The following ZRANB3 variants were observed in gnomAD, a reference collection of about 807,000 sequenced individuals.
ZRANB3 encodes DNA annealing helicase and endonuclease ZRANB3.
In ZRANB3, 125 loss-of-function variants were observed where a neutral mutation model predicts 133.8. The observed-to-expected ratio is 0.93, with a 90% CI of 0.81 to 1.08. The LOEUF (loss-of-function observed/expected upper bound fraction) is 1.08, where lower values mean the gene tolerates loss of function less well. Ranked by LOEUF, ZRANB3 falls within the 50% of genes least tolerant of loss-of-function variation. The pLI is 0.00. For missense variants in ZRANB3, 1,229 were observed against 1,275.5 expected (o/e 0.96, Z 0.56); for synonymous variants, 387 against 432.7 (o/e 0.89, Z 1.31).
intron 2 of ZRANB3, among the ~76,000 whole-genome samples, chr2:135,493,140 T>A (rs1296014054): frequency 2.3e-4 from 12 of 51,258 alleles, no homozygotes; most frequent in South Asian, 9.0e-4. Flanking sequence ...TATATATATA[T>A]ATATATATAT....
chr2:135,382,664 G>A, intron 3 of ZRANB3, among the ~76,000 whole-genome samples: 1 of 152,184 alleles, frequency 6.6e-6, no homozygotes. Flanking sequence ...CTACAAGCCA[G>A]AAGAGACTGG....
chr2:135,448,392 G>C (rs1057097860), intron 2 of ZRANB3, among the ~76,000 whole-genome samples: 9 of 152,182 alleles, frequency 5.9e-5, no homozygotes, highest in African/African-American at 1.9e-4. Context: ...GTAATCTTAT[G>C]ATGAAACTTC....
chr2:135,368,925 T>C (rs942456818), intron 3 of ZRANB3, among the ~76,000 whole-genome samples: 1 of 152,090 alleles, frequency 6.6e-6, no homozygotes, highest in African/African-American at 2.4e-5. Context: ...TTTTCTAATA[T>C]TATTTATCAA....
intron 8 of ZRANB3, among the ~76,000 whole-genome samples, chr2:135,287,991 G>A (rs1252303973): frequency 6.6e-6 from 1 of 152,004 alleles, no homozygotes; most frequent in Non-Finnish European, 1.5e-5. Flanking sequence ...GTGGTGAAGT[G>A]GGCATCCTTG....
intron 1 of ZRANB3, chr2:135,511,533 G>T (rs1391637966): frequency 2.9e-6 from 3 of 1,024,020 alleles, no homozygotes; most frequent in Non-Finnish European, 4.7e-6. Context: ...ACCCACCAAA[G>T]ACCTCATCTT....
chr2:135,212,861 G>T (rs1227099706), intron 17 of ZRANB3, among the ~76,000 whole-genome samples: 2 of 152,204 alleles, frequency 1.3e-5, no homozygotes, highest in South Asian at 2.1e-4. Context: ...TGTAACCAGA[G>T]ATTAAACAAT....
At chr2:135,402,852 C>T (rs754016079) in intron 2 of ZRANB3, among the ~76,000 whole-genome samples, 4 of 152,132 alleles carry the variant, frequency 2.6e-5, no homozygotes, top group East Asian at 1.9e-4. Context: ...TACCAAAGTG[C>T]GAGGATTACA....
intron 12 of ZRANB3, among the ~76,000 whole-genome samples, chr2:135,252,259 G>A (rs1679435515): frequency 1.3e-5 from 2 of 152,054 alleles, no homozygotes; most frequent in Admixed American, 6.6e-5. Flanking sequence ...CTTAATACCT[G>A]GGTGATGAAA....
chr2:135,208,030 A>C (rs1693951167), intron 18 of ZRANB3, among the ~76,000 whole-genome samples, 194 bp from the exon 19 acceptor site: 1 of 152,208 alleles, frequency 6.6e-6, no homozygotes. Context: ...ACAAAAATTA[A>C]TTGAATATAA....
intron 13 of ZRANB3, among the ~76,000 whole-genome samples, chr2:135,229,627 A>G (rs1201527403): frequency 2.0e-5 from 3 of 152,082 alleles, no homozygotes; most frequent in South Asian, 4.1e-4. Context: ...TCGGCCTCCC[A>G]AAGTGCTGGG....
intron 2 of ZRANB3, among the ~76,000 whole-genome samples, chr2:135,427,475 G>T (rs1028384701): frequency 1.3e-5 from 2 of 152,024 alleles, no homozygotes; most frequent in African/African-American, 4.8e-5. Flanking sequence ...GCCACAAGAA[G>T]AATAAAATAC....
intron 8 of ZRANB3, among the ~76,000 whole-genome samples, chr2:135,284,460 CTTGTTTGTTTTGT>C (rs1681247550): frequency 6.6e-6 from 1 of 152,118 alleles, no homozygotes; most frequent in African/African-American, 2.4e-5. Context: ...GTTACCTTTC[CTTGTTTGTTTTGT>C]TTGTTTGTTT....
intron 17 of ZRANB3, among the ~76,000 whole-genome samples, chr2:135,216,437 CTGTTT>C (rs1053334334): frequency 4.6e-5 from 7 of 152,090 alleles, no homozygotes; most frequent in Middle Eastern, 6.8e-3. Context: ...GCTTTGCCAT[CTGTTT>C]TGTTTTGTTT....
intron 6 of ZRANB3, among the ~76,000 whole-genome samples, chr2:135,335,584 T>C (rs1318933672): frequency 6.6e-6 from 1 of 152,062 alleles, no homozygotes; most frequent in Non-Finnish European, 1.5e-5. Flanking sequence ...TCCCACCTAT[T>C]TGCGAGGCTG....
intron 8 of ZRANB3, among the ~76,000 whole-genome samples, chr2:135,292,941 C>T (rs1219322327): frequency 6.6e-6 from 1 of 151,664 alleles, no homozygotes; most frequent in African/African-American, 2.4e-5. Context: ...TCTGTTCTGT[C>T]CCATTGGTCT....
At chr2:135,506,837 A>G (rs1297313973) in intron 1 of ZRANB3, among the ~76,000 whole-genome samples, 1 of 152,178 alleles carries the variant, frequency 6.6e-6, no homozygotes, top group Non-Finnish European at 1.5e-5. Context: ...GGATTTGGCC[A>G]CTCAACAAAG....
chr2:135,278,129 C>T (rs546485573), intron 8 of ZRANB3, among the ~76,000 whole-genome samples: 4 of 152,034 alleles, frequency 2.6e-5, no homozygotes, highest in South Asian at 2.1e-4. Context: ...AGACCCACTA[C>T]GTGTCTTTCA....
intron 2 of ZRANB3, among the ~76,000 whole-genome samples, chr2:135,428,023 C>T (rs1309242882): frequency 6.6e-6 from 1 of 152,110 alleles, no homozygotes; most frequent in African/African-American, 2.4e-5. Flanking sequence ...AAACTGGATA[C>T]CTTCCTTTGA....
At chr2:135,481,475 T>A (rs1691804716) in intron 2 of ZRANB3, among the ~76,000 whole-genome samples, 1 of 152,228 alleles carries the variant, frequency 6.6e-6, no homozygotes, top group Non-Finnish European at 1.5e-5. Context: ...TGTTTTTTTC[T>A]TGTAAATTTG....
Sources: allele counts gnomAD v4.1 joint callset (sites outside exome capture counted in the v4.1 genomes callset), GRCh38; gene constraint gnomAD v4.1.1; transcripts MANE v1.5; gene names NCBI Gene and HGNC (gene_info 2026-07-23, HGNC 2026-07-21).